The following BRI3BP variants were observed in gnomAD, a reference collection of about 807,000 sequenced individuals.
BRI3BP encodes the protein BRI3 binding protein.
Under a neutral mutation model 15.8 loss-of-function variants are expected in BRI3BP, and 7 were observed. The ratio of observed to expected loss-of-function variants is 0.44; its 90% CI spans 0.25 to 0.83. The LOEUF (loss-of-function observed/expected upper bound fraction) is 0.83. Among genes scored for constraint, BRI3BP ranks in the 40% least tolerant of loss-of-function variants. The probability of loss-of-function intolerance (pLI) is 0.20; values close to 1 mark genes in which losing one functional copy is unlikely to be tolerated. For missense variants in BRI3BP, 320 were observed against 339.3 expected (o/e 0.94, Z 0.45); for synonymous variants, 192 against 163.5 (o/e 1.17, Z -1.33).
In BRI3BP at chr12:125,029,531, C is replaced by CA. The variant is rs545402158; in HGVS notation, c.*4115dup. The CA allele has an allele frequency of 4.2e-3, 424 of 100,106 alleles. 1 individual carries two copies. The highest frequency in any genetic ancestry group is 0.016 in the South Asian group (49 of 2,998). 6.2% of individuals were successfully genotyped at this position (100,106 alleles called of 1,614,324 possible). ...GAGGCGACAGAGTGAGACCCAGTCT[C>CA]AAAAAAAAAAAAAAGTGTGTGTGTG... On this transcript the variant is annotated 3_prime_UTR_variant, in exon 3 of 3. Transcript: ENST00000341446.
chr12:125,047,405 C>T, the BRI3BP span, among the ~76,000 whole-genome samples: 3 of 151,984 alleles, frequency 2.0e-5, no homozygotes, highest in Non-Finnish European at 4.4e-5. Context: ...GATCTCCTGA[C>T]TTTGTGATCC....
At chr12:125,034,744 C>T (rs1955430936), downstream of BRI3BP, among the ~76,000 whole-genome samples, 1 of 152,114 alleles carries the variant, frequency 6.6e-6, no homozygotes, top group South Asian at 2.1e-4. Context: ...CGCCTGCCAC[C>T]ACGCCCAGCT....
At chr12:124,998,780 T>G (rs1955060158) in intron 1 of BRI3BP, among the ~76,000 whole-genome samples, 1 of 152,012 alleles carries the variant, frequency 6.6e-6, no homozygotes, top group Non-Finnish European at 1.5e-5. Flanking sequence ...ATGACTACAG[T>G]TTTTTAAAAA....
chr12:125,022,541 A>ATTTATTTTTTATTTTTTTTT, intron 2 of BRI3BP, among the ~76,000 whole-genome samples: 2 of 139,404 alleles, frequency 1.4e-5, no homozygotes, highest in African/African-American at 5.8e-5. Flanking sequence ...TTATTTATTT[A>ATTTATTTTTTATTTTTTTTT]TTTTTTGAGA....
intron 2 of BRI3BP, among the ~76,000 whole-genome samples, chr12:125,019,667 G>A (rs1233970205): frequency 2.5e-5 from 1 of 40,144 alleles, no homozygotes; most frequent in Non-Finnish European, 4.4e-5. Context: ...TGCCTTTTTT[G>A]CTGTGAGTAC....
downstream of BRI3BP, among the ~76,000 whole-genome samples, chr12:125,033,784 C>A (rs964065519): frequency 2.0e-5 from 3 of 151,458 alleles, no homozygotes; most frequent in Admixed American, 2.0e-4. Flanking sequence ...ATTCTGTCAC[C>A]CAGGCTAGTG....
intron 1 of BRI3BP, among the ~76,000 whole-genome samples, chr12:124,997,995 A>G (rs7300232): frequency 0.057 from 8,716 of 152,158 alleles, 824 homozygotes; most frequent in African/African-American, 0.2. Context: ...GTGGTGATGC[A>G]TGCCTGTAAT....
the BRI3BP span, among the ~76,000 whole-genome samples, chr12:125,046,637 TA>T: frequency 1.3e-5 from 2 of 152,242 alleles, no homozygotes; most frequent in Non-Finnish European, 2.9e-5. Context: ...TATGCAGCCC[TA>T]CCAGAGCTGG....
At chr12:125,024,831 G>A (rs956936212) in intron 2 of BRI3BP, among the ~76,000 whole-genome samples, 160 bp from the exon 3 acceptor site, 4 of 152,140 alleles carry the variant, frequency 2.6e-5, no homozygotes, top group Non-Finnish European at 5.9e-5. Flanking sequence ...TGTCCTCATG[G>A]AGCAAAGTGT....
intron 1 of BRI3BP, among the ~76,000 whole-genome samples, chr12:125,002,412 A>G (rs1329143738): frequency 5.4e-5 from 8 of 149,314 alleles, no homozygotes. Context: ...GACGTGAAGT[A>G]GTATTGCTGT....
At chr12:125,042,132 C>G in the BRI3BP span, among the ~76,000 whole-genome samples, 1 of 152,164 alleles carries the variant, frequency 6.6e-6, no homozygotes, top group Admixed American at 6.5e-5. Flanking sequence ...GACATTAAAG[C>G]TGTTGGTAAA....
chr12:124,997,461 C>G (rs193100894), intron 1 of BRI3BP, among the ~76,000 whole-genome samples: 54 of 151,658 alleles, frequency 3.6e-4, no homozygotes, highest in African/African-American at 1.2e-3. Context: ...GGTGATCTGC[C>G]TGCCTCGGCC....
At chr12:125,003,300 G>A (rs1339676164) in intron 1 of BRI3BP, among the ~76,000 whole-genome samples, 3 of 152,154 alleles carry the variant, frequency 2.0e-5, no homozygotes, top group Non-Finnish European at 4.4e-5. Context: ...CCTGACTGCT[G>A]CAAGAAGAGC....
chr12:124,994,916 C>G (rs1955028382), intron 1 of BRI3BP, among the ~76,000 whole-genome samples: 1 of 152,168 alleles, frequency 6.6e-6, no homozygotes, highest in Non-Finnish European at 1.5e-5. Context: ...AGTGACTTCA[C>G]TTCTTTGAGC....
chr12:125,014,614 G>A (rs1455089155), intron 2 of BRI3BP, among the ~76,000 whole-genome samples: 2 of 152,112 alleles, frequency 1.3e-5, no homozygotes, highest in African/African-American at 4.8e-5. Flanking sequence ...ACTGGGGGCT[G>A]GTCATGTAGT....
intron 2 of BRI3BP, among the ~76,000 whole-genome samples, chr12:125,015,341 A>C (rs1955233494): frequency 6.6e-6 from 1 of 151,842 alleles, no homozygotes; most frequent in African/African-American, 2.4e-5. Context: ...GGCCATGCGA[A>C]ATGAGAAACA....
At chr12:125,021,915 C>CA (rs1474149582) in intron 2 of BRI3BP, among the ~76,000 whole-genome samples, 8 of 151,618 alleles carry the variant, frequency 5.3e-5, no homozygotes, top group Non-Finnish European at 1.5e-5. Flanking sequence ...ACTGTCTCTA[C>CA]AAAAAAATAC....
At chr12:125,036,195 GC>G (rs1955439239), downstream of BRI3BP, among the ~76,000 whole-genome samples, 1 of 152,142 alleles carries the variant, frequency 6.6e-6, no homozygotes, top group African/African-American at 2.4e-5. Flanking sequence ...CTCCTGGGTA[GC>G]TGGGATTACA....
the BRI3BP span, among the ~76,000 whole-genome samples, chr12:125,039,321 A>G: frequency 2.6e-4 from 39 of 152,054 alleles, no homozygotes; most frequent in African/African-American, 8.2e-4. Flanking sequence ...TTTTTTTCAA[A>G]TGCATGCCTT....
Sources: gnomAD v4.1 joint callset for allele counts (sites outside exome capture counted in the v4.1 genomes callset) on GRCh38, gnomAD v4.1.1 for gene constraint, MANE v1.5 for transcripts, NCBI Gene and HGNC (gene_info 2026-07-23, HGNC 2026-07-21) for gene names.